The following KLHL31 variants were observed in gnomAD, a reference collection of about 807,000 sequenced individuals.
KLHL31 encodes the protein kelch like family member 31.
In KLHL31, 32 loss-of-function variants were observed where a neutral mutation model predicts 47.1. The observed-to-expected ratio is 0.68, with a 90% CI of 0.51 to 0.91. KLHL31 has a LOEUF of 0.91. Ranked by LOEUF, KLHL31 falls within the 40% of genes least tolerant of loss-of-function variation. The probability of loss-of-function intolerance (pLI) is 0.00; values close to 1 mark genes in which losing one functional copy is unlikely to be tolerated. For synonymous variants in KLHL31, 330 were observed against 325.1 expected (o/e 1.01, Z -0.16); for missense variants, 797 against 819.3 (o/e 0.97, Z 0.33).
intron 1 of KLHL31, among the ~76,000 whole-genome samples, chr6:53,664,703 G>A (rs746105942): frequency 3.3e-5 from 5 of 152,194 alleles, no homozygotes; most frequent in Non-Finnish European, 7.3e-5. Context: ...GGGTAAACTG[G>A]AAAGCCATGT....
At chr6:53,664,885 C>T (rs920296891) in intron 1 of KLHL31, among the ~76,000 whole-genome samples, 3 of 152,158 alleles carry the variant, frequency 2.0e-5, no homozygotes, top group Non-Finnish European at 4.4e-5. Flanking sequence ...CTCCTGGCTT[C>T]TGTGGCTTGC....
At chr6:53,664,573 C>T (rs1324960073) in intron 1 of KLHL31, among the ~76,000 whole-genome samples, 1 of 152,176 alleles carries the variant, frequency 6.6e-6, no homozygotes, top group Non-Finnish European at 1.5e-5. Flanking sequence ...TTCTTCCTGG[C>T]CCCAGCTGAT....
rs894482655 is a variant in KLHL31, at chr6:53,654,083, T to C, written c.1172+18A>G. ...TATAATATTGAGCCATTTCAGTTCC[T>C]AATAAAAGATCAAGTACCTGCAGAA... On this transcript the variant is annotated intron_variant, in intron 2 of 2. Coordinates refer to ENST00000370905, the MANE Select transcript of KLHL31 (RefSeq NM_001003760.5). 3 of 1,570,526 alleles carry C rather than the reference T, an allele frequency of 1.9e-6. No individual in the cohort carries two copies. In the African/African-American group the frequency reaches 4.1e-5, roughly 21 times the overall value.
In KLHL31 at chr6:53,648,619, A is replaced by G. The variant is rs945970008; in HGVS notation, c.*2979T>C. 1 of 152,188 alleles carries G rather than the reference A, an allele frequency of 6.6e-6. No homozygotes were observed. 9.4% of individuals were successfully genotyped at this position (152,188 alleles called of 1,614,324 possible). A position where few individuals can be genotyped will look rare whatever the true frequency, so the allele number is the denominator to read the frequency against. On this transcript the variant is annotated 3_prime_UTR_variant, in exon 3 of 3. Transcript: ENST00000370905. ...TGACATCAATTATACCTCCTCACTC[A>G]TAACACTTCACTACCATCTAATCAT...
At position 53,654,377 on chromosome 6, in the gene KLHL31, T is replaced by C. The variant is rs759651911; in HGVS notation, c.896A>G (p.Tyr299Cys). 1.9e-6 allele frequency: 3 copies of C among 1,614,204 alleles called. No homozygotes were observed. The highest frequency in any genetic ancestry group is 2.2e-5 in the East Asian group (1 of 44,888). The change falls in exon 2 of 3, where the codon TAT becomes TGT. Residue 299 changes from tyrosine (Y) to cysteine (C), a missense_variant. Transcript: ENST00000370905. Reference protein sequence around the residue: ...VDAMNYHLLPYHQNTLQSRRT... With the variant: ...VDAMNYHLLPCHQNTLQSRRT... ...CCTAGATTGCAATGTGTTTTGATGA[T>C]ATGGAAGCAAGTGGTAGTTCATAGC...
Position 53,654,276 on chromosome 6 carries a change from T to C in KLHL31, c.997A>G (p.Ser333Gly), listed in dbSNP as rs1354659029. 5 of 1,614,094 alleles carry C rather than the reference T, an allele frequency of 3.1e-6. No individual in the cohort carries two copies. The highest frequency in any genetic ancestry group is 4.2e-6 in the Non-Finnish European group (5 of 1,180,040). The change falls in exon 2 of 3, where the codon AGC (serine) becomes GGC (glycine). Residue 333 changes from serine to glycine, a missense_variant. Ser to Gly is a moderately conservative substitution (Grantham distance 56). Coordinates refer to ENST00000370905, the MANE Select transcript of KLHL31 (RefSeq NM_001003760.5). ...GGGTCTCTATACAAGATGTCTCTGCTAAGGGACTTCTCAGTAAGGCCTGGG... is the reference window on the plus strand; with the variant it reads ...GGGTCTCTATACAAGATGTCTCTGCCAAGGGACTTCTCAGTAAGGCCTGGG... The part of the protein sequence containing the change: ...GRPGLTEKSL[S>G]RDILYRDPEN...
chr6:53,651,599 C>T lies in KLHL31; in HGVS notation c.1904G>A (p.Ter635=), dbSNP rs751656798. 2.5e-6 allele frequency: 4 copies of T among 1,608,992 alleles called. No homozygotes were observed. The Admixed American group carries it at 6.7e-5, about 27-fold the overall frequency. Residue 635 remains the stop codon, a stop_retained_variant, in exon 3 of 3, where the codon TGA becomes TAA. Transcript: ENST00000370905. ...SSVSSVPVSI[*] ...CTGCGTCCCTGCATCTACCTGGGCT[C>T]AGATACTGACTGGCACAGAAGATAC...
chr6:53,663,111 A>C (rs1764670641), intron 1 of KLHL31, among the ~76,000 whole-genome samples: 1 of 152,204 alleles, frequency 6.6e-6, no homozygotes, highest in Non-Finnish European at 1.5e-5. Context: ...ATATCACATA[A>C]GTAAGTGTGC....
At position 53,651,274 on chromosome 6, in the gene KLHL31, G is replaced by A. The variant is rs1764458754; in HGVS notation, c.*324C>T. On this transcript the variant is annotated 3_prime_UTR_variant, in exon 3 of 3. Transcript: ENST00000370905. ...TGTAGAGGAAAAAATCTCAAATGTG[G>A]GTGTAACCGCTATACATTTAGGAAA... 4.7e-6 allele frequency: 1 copy of A among 211,202 alleles called. No individual in the cohort carries two copies. The highest frequency in any genetic ancestry group is 5.3e-5 in the Admixed American group (1 of 18,926). 13.1% of individuals were successfully genotyped at this position (211,202 alleles called of 1,614,324 possible).
Position 53,651,967 on chromosome 6 carries a change from G to T in KLHL31, c.1536C>A (p.Ser512Arg). The change falls in exon 3 of 3, where the codon AGC becomes AGA. Residue 512 changes from serine to arginine, a missense_variant. Ser to Arg is a moderately radical substitution (Grantham distance 110). Transcript: ENST00000370905. ...PRGWHCAVTL[S>R]DRVYVMGGSQ... ...TGCCGCCCATCACGTACACTCTGTCGCTCAGCGTGACCGCGCAGTGCCAGC... is the reference window on the plus strand; with the variant it reads ...TGCCGCCCATCACGTACACTCTGTCTCTCAGCGTGACCGCGCAGTGCCAGC... The T allele has an allele frequency of 6.3e-7, 1 of 1,593,080 alleles. No homozygotes were observed. The highest frequency in any genetic ancestry group is 1.1e-5 in the South Asian group (1 of 89,900).
In KLHL31 at chr6:53,654,698, T is replaced by G; in HGVS notation, c.575A>C (p.Gln192Pro). 1.9e-6 allele frequency: 3 copies of G among 1,614,228 alleles called. No homozygotes were observed. The highest frequency in any genetic ancestry group is 2.5e-6 in the Non-Finnish European group (3 of 1,180,040). Residue 192 changes from glutamine to proline, a missense_variant, in exon 2 of 3, where the codon CAG becomes CCG. Transcript: ENST00000370905. Reference protein sequence around the residue: ...YSLKNAKAAAQKFIRDNFLEF... With the variant: ...YSLKNAKAAAPKFIRDNFLEF... Reference sequence around the variant, plus strand: ...AAGGAAGTTATCCCGAATAAATTTCTGGGCTGCTGCTTTTGCATTTTTTAG... The same window carrying G: ...AAGGAAGTTATCCCGAATAAATTTCGGGGCTGCTGCTTTTGCATTTTTTAG...
intron 1 of KLHL31, among the ~76,000 whole-genome samples, chr6:53,660,989 T>C (rs1764637404): frequency 6.6e-6 from 1 of 152,184 alleles, no homozygotes; most frequent in Non-Finnish European, 1.5e-5. Context: ...GTGTTCTCAG[T>C]CTGTGCCATG....
At position 53,654,656 on chromosome 6, in the gene KLHL31, T is replaced by C; in HGVS notation, c.617A>G (p.Asp206Gly). The C allele has an allele frequency of 6.2e-7, 1 of 1,614,214 alleles. No individual in the cohort carries two copies. The highest frequency in any genetic ancestry group is 1.7e-5 in the Admixed American group (1 of 60,024). ...RDNFLEFAESDQFMKLTFEQI... is the reference protein window; with the variant it reads ...RDNFLEFAESGQFMKLTFEQI... The stretch of plus-strand genomic sequence containing the variant: ...TTCAAATGTAAGTTTCATAAACTGA[T>C]CCGATTCTGCAAATTCAAGGAAGTT... Residue 206 changes from aspartate to glycine, a missense_variant, in exon 2 of 3, where the codon GAT becomes GGT. Asp to Gly is a moderately conservative substitution (Grantham distance 94, BLOSUM62 -1). Transcript: ENST00000370905.
intron 1 of KLHL31, among the ~76,000 whole-genome samples, chr6:53,662,554 A>G (rs1393006516): frequency 6.6e-6 from 1 of 152,112 alleles, no homozygotes; most frequent in Admixed American, 6.5e-5. Context: ...AGCCCAGAGC[A>G]TTCACCTTCC....
Position 53,651,421 on chromosome 6 carries a change from A to AAAAAAAAAAAATG in KLHL31, c.*176_*177insCATTTTTTTTTTT. ...TGCTAAAAAAAAAAAAAAAAAAAAG[A>AAAAAAAAAAAATG]GGTAGATTATGCCATACCAGGAATT... On this transcript the variant is annotated 3_prime_UTR_variant, in exon 3 of 3. Transcript: ENST00000370905. 2.7e-6 allele frequency: 1 copy of AAAAAAAAAAAATG among 364,532 alleles called. No homozygotes were observed. The highest frequency in any genetic ancestry group is 4.9e-6 in the Non-Finnish European group (1 of 202,106). 22.6% of individuals were successfully genotyped at this position (364,532 alleles called of 1,614,324 possible).
rs1010796393 is a variant in KLHL31, at chr6:53,648,130, C to T, written c.*3468G>A. 6.6e-6 allele frequency: 1 copy of T among 152,568 alleles called. No individual in the cohort carries two copies. The highest frequency in any genetic ancestry group is 2.4e-5 in the African/African-American group (1 of 41,432). The allele number at this position is 152,568 out of a possible 1,614,324, so 9.5% of individuals were successfully genotyped here. A position where few individuals can be genotyped will look rare whatever the true frequency, so the allele number is the denominator to read the frequency against. ...TCCCTGAGAGGGCAAATTAAATGGT[C>T]TTTACCCAGTGAATGTGCTGGAGGG... On this transcript the variant is annotated 3_prime_UTR_variant, in exon 3 of 3. Coordinates refer to ENST00000370905, the MANE Select transcript of KLHL31 (RefSeq NM_001003760.5).
intron 1 of KLHL31, among the ~76,000 whole-genome samples, chr6:53,661,017 C>T (rs1764637807): frequency 6.6e-6 from 1 of 152,180 alleles, no homozygotes; most frequent in Admixed American, 6.5e-5. Flanking sequence ...AATAAGGACA[C>T]TGCTGCAGAT....
At position 53,654,335 on chromosome 6, in the gene KLHL31, C is replaced by G; in HGVS notation, c.938G>C (p.Gly313Ala). 6.2e-7 allele frequency: 1 copy of G among 1,614,176 alleles called. No homozygotes were observed. Among genetic ancestry groups the G allele is most frequent in the Non-Finnish European group, 8.5e-7 (1 of 1,180,036 alleles). Residue 313 changes from glycine to alanine, a missense_variant, in exon 2 of 3, where the codon GGT (glycine) becomes GCT (alanine). Transcript: ENST00000370905. ...TLQSRRTRIR[G>A]GCRVLVTVGG... is the part of the protein sequence containing the mutation. ...AACAGTGACGAGGACTCGGCAGCCA[C>G]CTCGGATTCTTGTTCGCCTAGATTG...
At chr6:53,653,990 G>T (rs1764515032) in intron 2 of KLHL31, 111 bp downstream of exon 2, 2 of 829,668 alleles carry the variant, frequency 2.4e-6, no homozygotes, top group Non-Finnish European at 3.7e-6. Flanking sequence ...TATTATTTTT[G>T]ATTTACTAAG....
Sources: allele counts gnomAD v4.1 joint callset (sites outside exome capture counted in the v4.1 genomes callset), GRCh38; gene constraint gnomAD v4.1.1; transcripts MANE v1.5; gene names NCBI Gene and HGNC (gene_info 2026-07-23, HGNC 2026-07-21).